Variants in PPP2R2C observed in about 807,000 individuals in gnomAD.
The protein encoded by PPP2R2C is protein phosphatase 2 regulatory subunit Bgamma, also known as protein phosphatase 2, regulatory subunit B, gamma.
In PPP2R2C, 10 loss-of-function variants were observed where a neutral mutation model predicts 45.3. The ratio of observed to expected loss-of-function variants is 0.22; its 90% CI spans 0.14 to 0.37. PPP2R2C has a LOEUF of 0.37. Among genes scored for constraint, PPP2R2C ranks in the 10% least tolerant of loss-of-function variants. The pLI is 1.00. For missense variants in PPP2R2C, 308 were observed against 619.7 expected, an observed-to-expected ratio of 0.50 and a Z score of 5.34; for synonymous variants, 257 against 245.4, an observed-to-expected ratio of 1.05 and a Z score of -0.44.
intron 2 of PPP2R2C, among the ~76,000 whole-genome samples, chr4:6,529,939 G>A (rs542360042): frequency 2.2e-4 from 33 of 152,230 alleles, no homozygotes; most frequent in African/African-American, 6.0e-4. Context: ...TAGAGCGCAC[G>A]AGTGACGGAG....
chr4:6,371,264 C>G (rs191239318), intron 5 of PPP2R2C, among the ~76,000 whole-genome samples: 1 of 152,256 alleles, frequency 6.6e-6, no homozygotes, highest in Admixed American at 6.5e-5. Context: ...GGACATCCAA[C>G]GCTTTGCTCT....
chr4:6,323,427 C>G lies in PPP2R2C; in HGVS notation c.1219G>C (p.Asp407His). The G allele has an allele frequency of 6.2e-7, 1 of 1,614,002 alleles. No individual in the cohort carries two copies. The highest frequency in any genetic ancestry group is 1.1e-5 in the South Asian group (1 of 91,080). Residue 407 changes from aspartate to histidine, a missense_variant, in exon 9 of 9, where the codon GAC becomes CAC. Coordinates refer to ENST00000382599, the MANE Select transcript of PPP2R2C (RefSeq NM_020416.4). ...GKRRRDDISV[D>H]SLDFTKKILH... The stretch of plus-strand genomic sequence containing the variant: ...ATCTTCTTGGTGAAGTCCAAGCTGT[C>G]CACACTGATGTCATCACGCCGGCGC...
At chr4:6,550,052 G>T (rs1172304050) in intron 1 of PPP2R2C, among the ~76,000 whole-genome samples, 1 of 152,128 alleles carries the variant, frequency 6.6e-6, no homozygotes, top group African/African-American at 2.4e-5. Context: ...TGCAGCTGAG[G>T]TCACAGCGGG....
intron 1 of PPP2R2C, among the ~76,000 whole-genome samples, chr4:6,543,819 C>A (rs1284149351): frequency 6.6e-6 from 1 of 152,216 alleles, no homozygotes; most frequent in Non-Finnish European, 1.5e-5. Context: ...GAGCAAGAAA[C>A]CCACACCTAA....
Position 6,462,194 on chromosome 4 carries a change from G to A in PPP2R2C, c.70+9966C>T, listed in dbSNP as rs149909027. On this transcript the variant is annotated intron_variant, in intron 1 of 8. Coordinates refer to ENST00000382599, the MANE Select transcript of PPP2R2C (RefSeq NM_020416.4). ...GACCCACAGGGCAAATGGAATCCAGGCACAAATTAGGGACAGTGGGAGTGA... is the reference window on the plus strand; with the variant it reads ...GACCCACAGGGCAAATGGAATCCAGACACAAATTAGGGACAGTGGGAGTGA... Among the ~76,000 whole-genome samples, 7 of 152,336 alleles carry A rather than the reference G, an allele frequency of 4.6e-5. No homozygotes were observed. The East Asian group carries it at 1.4e-3, about 29-fold the overall frequency.
chr4:6,489,843 T>C (rs1354230155), intron 2 of PPP2R2C, among the ~76,000 whole-genome samples: 2 of 152,168 alleles, frequency 1.3e-5, no homozygotes, highest in African/African-American at 4.8e-5. Flanking sequence ...CCTGAATTAA[T>C]TGCATCCACT....
intron 6 of PPP2R2C, among the ~76,000 whole-genome samples, chr4:6,342,061 A>G (rs968739413): frequency 6.7e-6 from 1 of 150,334 alleles, no homozygotes; most frequent in Admixed American, 6.7e-5. Context: ...TACTGAAAAC[A>G]TTTTGGAGAT....
chr4:6,361,002 C>T (rs73796001), intron 5 of PPP2R2C, among the ~76,000 whole-genome samples: 1,723 of 152,246 alleles, frequency 0.011, 36 homozygotes, highest in African/African-American at 0.039. Context: ...TAGGGTCTAC[C>T]CTGCCAGCCT....
intron 1 of PPP2R2C, among the ~76,000 whole-genome samples, chr4:6,414,659 G>T (rs2109377369): frequency 6.6e-6 from 1 of 151,892 alleles, no homozygotes; most frequent in East Asian, 1.9e-4. Context: ...GAGGCTCAGA[G>T]AAGCAAGGGA....
intron 1 of PPP2R2C, among the ~76,000 whole-genome samples, chr4:6,562,824 A>G (rs912835903): frequency 6.6e-6 from 1 of 152,044 alleles, no homozygotes; most frequent in African/African-American, 2.4e-5. Context: ...CGGGCCACAG[A>G]GTGTGTGGTC....
At chr4:6,492,907 C>T (rs1722740573) in intron 2 of PPP2R2C, among the ~76,000 whole-genome samples, 1 of 152,110 alleles carries the variant, frequency 6.6e-6, no homozygotes, top group South Asian at 2.1e-4. Context: ...AGGATTCTGA[C>T]CTGCCAAGAC....
chr4:6,357,535 A>G (rs773984718), intron 5 of PPP2R2C, among the ~76,000 whole-genome samples: 3 of 152,228 alleles, frequency 2.0e-5, no homozygotes, highest in Non-Finnish European at 4.4e-5. Flanking sequence ...CCCCACGCAC[A>G]GTGGATTTGC....
chr4:6,423,275 C>T (rs556373155), intron 1 of PPP2R2C, among the ~76,000 whole-genome samples: 95 of 152,352 alleles, frequency 6.2e-4, no homozygotes, highest in African/African-American at 2.3e-3. Context: ...GCAATCTCGG[C>T]TCACTGCAAC....
intron 2 of PPP2R2C, among the ~76,000 whole-genome samples, chr4:6,521,638 C>T (rs1437326519): frequency 2.0e-5 from 3 of 152,138 alleles, no homozygotes; most frequent in African/African-American, 4.8e-5. Context: ...TCTCCTCCCT[C>T]GAGGTGATGT....
chr4:6,337,526 T>A (rs1463509885), intron 6 of PPP2R2C, among the ~76,000 whole-genome samples: 8 of 152,068 alleles, frequency 5.3e-5, no homozygotes, highest in Non-Finnish European at 1.2e-4. Flanking sequence ...TCTCACAGGC[T>A]GACTTCCGGA....
chr4:6,501,099 A>G (rs548221612), intron 2 of PPP2R2C, among the ~76,000 whole-genome samples: 38 of 152,344 alleles, frequency 2.5e-4, no homozygotes, highest in African/African-American at 8.9e-4. Flanking sequence ...ATAATTAACT[A>G]TAAATTATTC....
chr4:6,408,570 C>A (rs1717954486), intron 1 of PPP2R2C, among the ~76,000 whole-genome samples: 1 of 152,192 alleles, frequency 6.6e-6, no homozygotes, highest in South Asian at 2.1e-4. Context: ...CCCTGGAGCA[C>A]AGATAATCCA....
chr4:6,392,835 CA>C (rs1414235524), intron 1 of PPP2R2C, among the ~76,000 whole-genome samples: 2 of 152,172 alleles, frequency 1.3e-5, no homozygotes, highest in African/African-American at 4.8e-5. Flanking sequence ...CTTCTGTGCC[CA>C]GCCCATGCCT....
At chr4:6,408,086 T>TA (rs1305541203) in intron 1 of PPP2R2C, among the ~76,000 whole-genome samples, 2 of 152,246 alleles carry the variant, frequency 1.3e-5, no homozygotes, top group Non-Finnish European at 2.9e-5. Context: ...TCAGAAGTTT[T>TA]AAAACTACAC....
Sources: gnomAD v4.1 joint callset for allele counts (sites outside exome capture counted in the v4.1 genomes callset) on GRCh38, gnomAD v4.1.1 for gene constraint, MANE v1.5 for transcripts, NCBI Gene and HGNC (gene_info 2026-07-23, HGNC 2026-07-21) for gene names.